The following ADAM7 variants were observed in gnomAD, a reference collection of about 807,000 sequenced individuals.
The protein encoded by ADAM7 is disintegrin and metalloproteinase domain-containing protein 7.
A neutral mutation model predicts 102.9 loss-of-function variants in ADAM7; 97 were observed. The ratio of observed to expected loss-of-function variants is 0.94; its 90% confidence interval spans 0.80 to 1.12. The LOEUF is 1.12. Among genes scored for constraint, ADAM7 ranks in the 50% most tolerant of loss-of-function variants. The pLI, the probability that ADAM7 is intolerant of heterozygous loss-of-function variation, is 0.00. For synonymous variants in ADAM7, 334 were observed against 304.4 expected (o/e 1.10, Z -1.01); for missense variants, 991 against 908.7 (o/e 1.09, Z -1.16).
intron 16 of ADAM7, among the ~76,000 whole-genome samples, chr8:24,494,719 A>G (rs1287923708): frequency 1.3e-5 from 2 of 152,198 alleles, no homozygotes; most frequent in Non-Finnish European, 2.9e-5. Flanking sequence ...AGTGAAAAAA[A>G]AATCTCTTTT....
At chr8:24,477,698 A>C (rs1219386968) in intron 8 of ADAM7, among the ~76,000 whole-genome samples, 1 of 151,990 alleles carries the variant, frequency 6.6e-6, no homozygotes, top group Non-Finnish European at 1.5e-5. Context: ...AGAAATTGAA[A>C]TATTTCTTCT....
At chr8:24,502,373 A>G (rs1177357239) in intron 20 of ADAM7, among the ~76,000 whole-genome samples, 1 of 152,048 alleles carries the variant, frequency 6.6e-6, no homozygotes, top group Non-Finnish European at 1.5e-5. Context: ...GAGAAAATAA[A>G]GAAAATGAAG....
chr8:24,447,902 G>C (rs976407534), intron 3 of ADAM7, among the ~76,000 whole-genome samples: 1 of 150,926 alleles, frequency 6.6e-6, no homozygotes, highest in Non-Finnish European at 1.5e-5. Context: ...CTGGGGAATT[G>C]AGACTTTGGT....
chr8:24,500,882 A>T lies in ADAM7; in HGVS notation c.2095A>T (p.Lys699Ter). The T allele has an allele frequency of 6.2e-7, 1 of 1,611,332 alleles. No individual in the cohort carries two copies. The highest frequency in any genetic ancestry group is 8.5e-7 in the Non-Finnish European group (1 of 1,177,844). ...TCGTTACCGAAAATGTATCAAGTTGAAGCAAGTTCAGAGGTACATTTACAT... is the reference window on the plus strand; with the variant it reads ...TCGTTACCGAAAATGTATCAAGTTGTAGCAAGTTCAGAGGTACATTTACAT... ...LVRYRKCIKL[K>*]QVQSPPTETL... The change falls in exon 19 of 22, where the codon AAG (lysine) becomes TAG (stop). Residue 699 changes from lysine (K) to a stop codon, truncating the protein, a stop_gained. Coordinates refer to ENST00000175238, the MANE Select transcript of ADAM7 (RefSeq NM_003817.4). LOFTEE classifies it high-confidence loss of function.
intron 3 of ADAM7, among the ~76,000 whole-genome samples, chr8:24,461,337 C>CAT (rs1554538917): frequency 1.3e-5 from 2 of 151,850 alleles, no homozygotes; most frequent in African/African-American, 4.8e-5. Context: ...ATGATGTTCT[C>CAT]CTCTTCTGGC....
chr8:24,500,091 T>C, intron 17 of ADAM7, 87 bp from the exon 18 acceptor site: 1 of 1,160,938 alleles, frequency 8.6e-7, no homozygotes, highest in Non-Finnish European at 1.2e-6. Context: ...CATGTATGTT[T>C]GATGTAGAGG....
intron 3 of ADAM7, among the ~76,000 whole-genome samples, chr8:24,448,938 T>C (rs1313422390): frequency 1.3e-5 from 2 of 152,170 alleles, no homozygotes; most frequent in African/African-American, 4.8e-5. Flanking sequence ...TTACTGAGAA[T>C]GATGATTTCC....
Position 24,447,243 on chromosome 8 carries a change from C to A in ADAM7, c.214C>A (p.Leu72Ile). The stretch of plus-strand genomic sequence containing the variant: ...AAAACTAAATAGAAAAACCTTAGTC[C>A]TTCATCTTCTAAGATCCAGGTAAGT... ...EIKLNRKTLV[L>I]HLLRSREFLG... Residue 72 changes from leucine (L) to isoleucine (I), a missense_variant, in exon 3 of 22, where the codon CTT (leucine) becomes ATT (isoleucine). Coordinates refer to ENST00000175238, the MANE Select transcript of ADAM7 (RefSeq NM_003817.4). The A allele has an allele frequency of 2.6e-6, 4 of 1,519,340 alleles. No individual in the cohort carries two copies. The South Asian group carries it at 3.7e-5, about 14-fold the overall frequency. The allele number at this position is 1,519,340 out of a possible 1,614,324, so 94.1% of individuals were successfully genotyped here.
chr8:24,451,597 C>G (rs1365950557), intron 3 of ADAM7, among the ~76,000 whole-genome samples: 28 of 152,108 alleles, frequency 1.8e-4, no homozygotes, highest in Non-Finnish European at 2.4e-4. Flanking sequence ...TTTCAAAAAA[C>G]CAGCTCCTGG....
intron 3 of ADAM7, among the ~76,000 whole-genome samples, chr8:24,462,997 AC>A (rs1337278353): frequency 6.6e-6 from 1 of 152,194 alleles, no homozygotes; most frequent in Non-Finnish European, 1.5e-5. Flanking sequence ...AGCAACAGTA[AC>A]AAAAAATGAA....
chr8:24,509,545 G>A lies in ADAM7; in HGVS notation c.*999G>A. 1.0e-6 allele frequency: 1 copy of A among 984,484 alleles called. No homozygotes were observed. Among genetic ancestry groups the A allele is most frequent in the Non-Finnish European group, 1.2e-6 (1 of 829,158 alleles). 61.0% of individuals were successfully genotyped at this position (984,484 alleles called of 1,614,324 possible). A position where few individuals can be genotyped will look rare whatever the true frequency, so the allele number is the denominator to read the frequency against. On this transcript the variant is annotated 3_prime_UTR_variant, in exon 22 of 22. Transcript: ENST00000175238. ...ATTCTGACTCGATGAAATAAATAAA[G>A]GCTACAAAAGAAGGAAGAAAGGCTG...
chr8:24,491,747 T>C (rs17739011), intron 13 of ADAM7, 156 bp from the exon 14 acceptor site: 21,017 of 574,688 alleles, frequency 0.037, 498 homozygotes, highest in Non-Finnish European at 0.049. Flanking sequence ...TGCCAACACA[T>C]TGACAAATGA....
chr8:24,447,083 C>A, intron 2 of ADAM7, 103 bp from the exon 3 acceptor site: 1 of 534,492 alleles, frequency 1.9e-6, no homozygotes. Flanking sequence ...GAAAGGACTG[C>A]TGGGTGGATT....
At chr8:24,480,318 C>A (rs1819906255) in intron 8 of ADAM7, among the ~76,000 whole-genome samples, 1 of 152,144 alleles carries the variant, frequency 6.6e-6, no homozygotes, top group South Asian at 2.1e-4. Flanking sequence ...TTTAAGCTAA[C>A]AAAGTCTAAA....
intron 11 of ADAM7, among the ~76,000 whole-genome samples, chr8:24,487,804 T>C (rs1300259958): frequency 6.6e-6 from 1 of 152,158 alleles, no homozygotes; most frequent in Non-Finnish European, 1.5e-5. Context: ...TGCCAACTGG[T>C]AGTGTCTCTC....
intron 5 of ADAM7, 121 bp from the exon 6 acceptor site, chr8:24,466,678 T>G (rs17052016): frequency 1.2e-6 from 1 of 804,642 alleles, no homozygotes; most frequent in Non-Finnish European, 1.9e-6. Context: ...CTGAAAGCAC[T>G]CTCCTACCTG....
chr8:24,464,012 T>C (rs1408892630), intron 4 of ADAM7, 52 bp downstream of exon 4: 8 of 1,524,240 alleles, frequency 5.2e-6, no homozygotes, highest in Non-Finnish European at 7.3e-6. Context: ...TATTTCCTGA[T>C]GTGATTTTGA....
intron 3 of ADAM7, among the ~76,000 whole-genome samples, chr8:24,463,506 C>A (rs892080949): frequency 6.6e-6 from 1 of 151,998 alleles, no homozygotes; most frequent in Non-Finnish European, 1.5e-5. Flanking sequence ...TATATTAAGA[C>A]GTACTCGCCA....
intron 16 of ADAM7, among the ~76,000 whole-genome samples, chr8:24,497,252 T>C (rs2129394567): frequency 6.6e-6 from 1 of 152,336 alleles, no homozygotes; most frequent in East Asian, 1.9e-4. Flanking sequence ...CAATTAAACC[T>C]CTTTCTTTTG....
Sources: gnomAD v4.1 joint callset for allele counts (sites outside exome capture counted in the v4.1 genomes callset) on GRCh38, gnomAD v4.1.1 for gene constraint, MANE v1.5 for transcripts, NCBI Gene and HGNC (gene_info 2026-07-23, HGNC 2026-07-21) for gene names.